Variants in TEKT5 observed in about 807,000 individuals in gnomAD.
TEKT5 encodes tektin 5.
In TEKT5, 52 loss-of-function variants were observed where a neutral mutation model predicts 48.7. That is an observed-to-expected ratio of 1.07 (90% CI 0.86 to 1.35). The LOEUF (loss-of-function observed/expected upper bound fraction) is 1.35. Among genes scored for constraint, TEKT5 ranks in the 40% most tolerant of loss-of-function variants. The pLI is 0.00. For missense variants in TEKT5, 831 were observed against 641.6 expected (o/e 1.30, Z -3.19); for synonymous variants, 318 against 267.6 (o/e 1.19, Z -1.84).
intron 3 of TEKT5, among the ~76,000 whole-genome samples, chr16:10,684,816 A>T (rs1373861321): frequency 6.6e-6 from 1 of 152,170 alleles, no homozygotes; most frequent in African/African-American, 2.4e-5. Context: ...GCCCACCAGG[A>T]AAAGACCAAA....
intron 6 of TEKT5, among the ~76,000 whole-genome samples, chr16:10,634,001 T>G (rs532156968): frequency 3.7e-4 from 57 of 152,330 alleles, no homozygotes; most frequent in Non-Finnish European, 6.6e-4. Context: ...TTCTCCTAAC[T>G]GATAGCTCTC....
intron 5 of TEKT5, among the ~76,000 whole-genome samples, chr16:10,642,126 G>A (rs770722535): frequency 2.6e-5 from 4 of 152,228 alleles, no homozygotes; most frequent in Non-Finnish European, 4.4e-5. Flanking sequence ...ATGAGTACAT[G>A]ACACATGTCT....
chr16:10,694,141 C>A (rs1899030358), intron 1 of TEKT5, among the ~76,000 whole-genome samples, 169 bp downstream of exon 1: 1 of 152,188 alleles, frequency 6.6e-6, no homozygotes, highest in African/African-American at 2.4e-5. Context: ...CCTGATTTGA[C>A]TGGGATTATC....
chr16:10,683,290 G>T (rs1447362748), intron 3 of TEKT5, among the ~76,000 whole-genome samples: 1 of 152,298 alleles, frequency 6.6e-6, no homozygotes, highest in South Asian at 2.1e-4. Context: ...GGTGGAGTCA[G>T]GGGCTACGTG....
intron 5 of TEKT5, among the ~76,000 whole-genome samples, chr16:10,665,960 A>G (rs569489519): frequency 5.8e-4 from 88 of 152,302 alleles, no homozygotes; most frequent in Non-Finnish European, 1.1e-3. Flanking sequence ...CTTCAACAGA[A>G]CAGGGGCTGG....
chr16:10,674,023 T>C (rs914089083), intron 5 of TEKT5, among the ~76,000 whole-genome samples: 4 of 152,102 alleles, frequency 2.6e-5, no homozygotes, highest in Non-Finnish European at 5.9e-5. Flanking sequence ...AAGGACAAGC[T>C]TGGATCCAAA....
chr16:10,679,899 A>C (rs10221119), intron 4 of TEKT5, among the ~76,000 whole-genome samples: 1 of 88,732 alleles, frequency 1.1e-5, no homozygotes, highest in Non-Finnish European at 2.1e-5. Context: ...CTCGGTCTCA[A>C]ATAAATAAAT....
intron 6 of TEKT5, among the ~76,000 whole-genome samples, chr16:10,628,498 T>G (rs1470868422): frequency 6.6e-6 from 1 of 152,174 alleles, no homozygotes; most frequent in African/African-American, 2.4e-5. Flanking sequence ...GGCAGCCCTA[T>G]TCACGATAAC....
At chr16:10,664,634 A>T (rs1423214906) in intron 5 of TEKT5, among the ~76,000 whole-genome samples, 1 of 152,220 alleles carries the variant, frequency 6.6e-6, no homozygotes, top group African/African-American at 2.4e-5. Flanking sequence ...GGCAATTCCA[A>T]TGTGGCACTA....
Position 10,694,391 on chromosome 16 carries a change from C to G in TEKT5, c.483G>C (p.Arg161Ser), listed in dbSNP as rs61731535. The change falls in exon 1 of 7, where the codon AGG becomes AGC. Residue 161 changes from arginine to serine, a missense_variant. Coordinates refer to ENST00000283025, the MANE Select transcript of TEKT5 (RefSeq NM_144674.2). ...WKSELSYELD[R>S]LLTENQNLET... Reference sequence around the variant, plus strand: ...CCAAGTTCTGGTTCTCAGTCAGAAGCCTGTCCAGCTCATAGCTCAGCTCTG... The same window carrying G: ...CCAAGTTCTGGTTCTCAGTCAGAAGGCTGTCCAGCTCATAGCTCAGCTCTG... The G allele has an allele frequency of 1.4e-5, 23 of 1,614,006 alleles. No homozygotes were observed. In the East Asian group the frequency reaches 4.2e-4, roughly 30 times the overall value.
intron 6 of TEKT5, 72 bp downstream of exon 6, chr16:10,635,692 T>G: frequency 6.4e-7 from 1 of 1,557,768 alleles, no homozygotes. Context: ...ACCTAGAAGC[T>G]CCTGAGACTC....
intron 4 of TEKT5, among the ~76,000 whole-genome samples, chr16:10,677,110 G>C (rs949331567): frequency 3.3e-5 from 5 of 152,300 alleles, no homozygotes; most frequent in African/African-American, 7.2e-5. Flanking sequence ...AGGATCGCTT[G>C]AGCCCAGGAG....
At chr16:10,665,394 A>G (rs983140622) in intron 5 of TEKT5, among the ~76,000 whole-genome samples, 10 of 152,204 alleles carry the variant, frequency 6.6e-5, no homozygotes, top group Non-Finnish European at 1.5e-4. Flanking sequence ...GAAGCCAGCC[A>G]TGGGAGGAAA....
chr16:10,632,166 G>T (rs1044967700), intron 6 of TEKT5, among the ~76,000 whole-genome samples: 3 of 152,204 alleles, frequency 2.0e-5, no homozygotes, highest in African/African-American at 4.8e-5. Context: ...ACTTTCTAGA[G>T]CAAGGGAGAT....
At chr16:10,644,493 G>A (rs1181847982) in intron 5 of TEKT5, among the ~76,000 whole-genome samples, 1 of 152,136 alleles carries the variant, frequency 6.6e-6, no homozygotes, top group East Asian at 1.9e-4. Context: ...TTGCTTAAAT[G>A]TCACCTCCAA....
At chr16:10,690,547 A>C (rs1354949373) in intron 1 of TEKT5, 1 of 983,174 alleles carries the variant, frequency 1.0e-6, no homozygotes, top group Admixed American at 6.2e-5. Context: ...GTGCAGGTGA[A>C]GTCGGCTTGA....
At chr16:10,640,672 G>C (rs1461419521) in intron 5 of TEKT5, among the ~76,000 whole-genome samples, 4 of 152,132 alleles carry the variant, frequency 2.6e-5, no homozygotes, top group Admixed American at 6.5e-5. Flanking sequence ...AAACACTTCT[G>C]TCACGGTGCA....
chr16:10,632,951 C>T lies in TEKT5; in HGVS notation c.1241+2813G>A, dbSNP rs530050418. Reference sequence around the variant, plus strand: ...GAACCAAACATGCTCCACCTCCTTGCTTTCTGTCTGTCCTCCTCAGTGGTA... The same window carrying T: ...GAACCAAACATGCTCCACCTCCTTGTTTTCTGTCTGTCCTCCTCAGTGGTA... On this transcript the variant is annotated intron_variant, in intron 6 of 6. Transcript: ENST00000283025. Among the ~76,000 whole-genome samples, 133 of 151,950 alleles carry T rather than the reference C, an allele frequency of 8.8e-4. No individual in the cohort carries two copies. In the Middle Eastern group the frequency reaches 0.01, roughly 12 times the overall value.
intron 6 of TEKT5, among the ~76,000 whole-genome samples, chr16:10,635,013 C>T (rs1897893512): frequency 6.6e-6 from 1 of 152,120 alleles, no homozygotes; most frequent in South Asian, 2.1e-4. Context: ...TTTTGGGGTA[C>T]TTTATTACAC....
Sources: gnomAD v4.1 joint callset for allele counts (sites outside exome capture counted in the v4.1 genomes callset) on GRCh38, gnomAD v4.1.1 for gene constraint, MANE v1.5 for transcripts, NCBI Gene and HGNC (gene_info 2026-07-23, HGNC 2026-07-21) for gene names.